The following DGCR8 variants were observed in gnomAD, a reference collection of about 807,000 sequenced individuals.
The protein encoded by DGCR8 is DGCR8 microprocessor complex subunit, also known as microprocessor complex subunit DGCR8.
Under a neutral mutation model 78.5 loss-of-function variants are expected in DGCR8, and 14 were observed. The ratio of observed to expected loss-of-function variants is 0.18; its 90% CI spans 0.12 to 0.28. The LOEUF (loss-of-function observed/expected upper bound fraction) is 0.28, where lower values mean the gene tolerates loss of function less well. Ranked by LOEUF, DGCR8 falls within the 10% of genes least tolerant of loss-of-function variation. The pLI is 1.00. For synonymous variants in DGCR8, 399 were observed against 402.4 expected (o/e 0.99, Z 0.10); for missense variants, 702 against 1,022.5 (o/e 0.69, Z 4.28).
intron 9 of DGCR8, among the ~76,000 whole-genome samples, chr22:20,102,678 C>G (rs559676377): frequency 3.9e-5 from 6 of 152,220 alleles, no homozygotes; most frequent in South Asian, 2.1e-4. Flanking sequence ...TACTGTCTTT[C>G]GAGCTGTGTG....
At chr22:20,104,373 T>C (rs905262120) in intron 9 of DGCR8, among the ~76,000 whole-genome samples, 1 of 152,022 alleles carries the variant, frequency 6.6e-6, no homozygotes, top group Admixed American at 6.5e-5. Flanking sequence ...TTCACCTTGT[T>C]AGCCAGGATG....
At chr22:20,083,114 TC>T (rs1236000455) in intron 1 of DGCR8, among the ~76,000 whole-genome samples, 2 of 152,018 alleles carry the variant, frequency 1.3e-5, no homozygotes, top group African/African-American at 4.8e-5. Flanking sequence ...CATCCCCTCC[TC>T]CCAGCCCTGT....
chr22:20,080,894 A>T (rs761836681), intron 1 of DGCR8, among the ~76,000 whole-genome samples: 1 of 152,254 alleles, frequency 6.6e-6, no homozygotes, highest in Admixed American at 6.5e-5. Context: ...GTCTGGTGTC[A>T]ACCGATGGAC....
chr22:20,103,119 CAA>C (rs1184158781), intron 9 of DGCR8, among the ~76,000 whole-genome samples: 1 of 147,778 alleles, frequency 6.8e-6, no homozygotes, highest in Admixed American at 6.8e-5. Flanking sequence ...GCCTGGGCAA[CAA>C]GAGCGAAACC....
At position 20,089,482 on chromosome 22, in the gene DGCR8, G is replaced by A. The variant is rs918313967; in HGVS notation, c.881-187G>A. ...TTGACACGTGTAAATTCCCACCTCA[G>A]GCCACATGCTATCTGTCCTAGGCCT... On this transcript the variant is annotated intron_variant, in intron 3 of 13. Coordinates refer to ENST00000351989, the MANE Select transcript of DGCR8 (RefSeq NM_022720.7). This position sits in a 1 kb window ranked among gnomAD's most constrained non-coding sequence, Gnocchi z 4.9. Among the ~76,000 whole-genome samples the A allele has an allele frequency of 1.7e-4, 26 of 152,314 alleles. No individual in the cohort carries two copies. Among genetic ancestry groups the A allele is most frequent in the Admixed American group, 9.2e-4 (14 of 15,296 alleles).
rs989130282 is a variant in DGCR8, at chr22:20,110,385, G to A, written c.*277G>A. 5 of 444,426 alleles carry A rather than the reference G, an allele frequency of 1.1e-5. No homozygotes were observed. The highest frequency in any genetic ancestry group is 7.7e-5 in the South Asian group (2 of 25,810). The allele number at this position is 444,426 out of a possible 1,614,324, so 27.5% of individuals were successfully genotyped here. On this transcript the variant is annotated 3_prime_UTR_variant, in exon 14 of 14. Transcript: ENST00000351989. ...GCAGCTGGTGACTGTGGACAGTGGT[G>A]GACCCTGCTTCTGTGCACCTGCTGC... is the stretch of plus-strand genomic sequence containing the variant.
intron 11 of DGCR8, chr22:20,107,043 A>T: frequency 1.2e-5 from 7 of 588,988 alleles, no homozygotes; most frequent in Non-Finnish European, 2.1e-5. Flanking sequence ...CGTGGCTTTG[A>T]GTGGTAGTGT....
rs374299979 is a variant in DGCR8, at chr22:20,089,657, C to T, written c.881-12C>T. On this transcript the variant is annotated splice_polypyrimidine_tract_variant and intron_variant, in intron 3 of 13. Coordinates refer to ENST00000351989, the MANE Select transcript of DGCR8 (RefSeq NM_022720.7). This position sits in a 1 kb window ranked among gnomAD's most constrained non-coding sequence, Gnocchi z 4.9. The stretch of plus-strand genomic sequence containing the variant: ...TACAGTGATTATAGGATGTTCTTGT[C>T]TTCCTGTGCAGGTCGTGGCCGCCCA... 31 of 1,613,618 alleles carry T rather than the reference C, an allele frequency of 1.9e-5. 1 individual carries two copies. The African/African-American group carries it at 3.9e-4, about 20-fold the overall frequency.
rs77725161 is a variant in DGCR8, at chr22:20,108,872, A to T, written c.2125-18A>T. The T allele has an allele frequency of 6.7e-6, 9 of 1,334,898 alleles. No homozygotes were observed. In the African/African-American group the frequency reaches 1.2e-4, roughly 17 times the overall value. 82.7% of individuals were successfully genotyped at this position (1,334,898 alleles called of 1,614,324 possible). A position where few individuals can be genotyped will look rare whatever the true frequency, so the allele number is the denominator to read the frequency against. On this transcript the variant is annotated intron_variant, in intron 12 of 13. Coordinates refer to ENST00000351989, the MANE Select transcript of DGCR8 (RefSeq NM_022720.7). ...GCTACAGCCTGCAGTCCTGAGCGTG[A>T]GGTGCTATACTTCCCAGGAGACATC...
At chr22:20,094,488 G>A (rs922314482) in intron 8 of DGCR8, among the ~76,000 whole-genome samples, 2 of 152,222 alleles carry the variant, frequency 1.3e-5, no homozygotes, top group Non-Finnish European at 2.9e-5. Flanking sequence ...GGGTGAGAGC[G>A]CACACACCCA....
intron 9 of DGCR8, among the ~76,000 whole-genome samples, chr22:20,104,358 G>C (rs1422212490): frequency 6.6e-6 from 1 of 151,918 alleles, no homozygotes; most frequent in Non-Finnish European, 1.5e-5. Context: ...TAGTAGAGAC[G>C]GGGTTTCACC....
intron 5 of DGCR8, among the ~76,000 whole-genome samples, chr22:20,091,163 T>A (rs1430767554): frequency 6.6e-6 from 1 of 152,250 alleles, no homozygotes; most frequent in Non-Finnish European, 1.5e-5. Flanking sequence ...CCATCTGACT[T>A]TTTTAAGCTG....
intron 9 of DGCR8, among the ~76,000 whole-genome samples, chr22:20,097,680 C>T (rs1480420844): frequency 6.6e-6 from 1 of 152,024 alleles, no homozygotes; most frequent in Non-Finnish European, 1.5e-5. Flanking sequence ...TTCAATTGCC[C>T]TGTCTTCAAG....
chr22:20,091,531 A>G lies in DGCR8; in HGVS notation c.1403A>G (p.Asn468Ser). The G allele has an allele frequency of 1.9e-6, 3 of 1,614,238 alleles. No individual in the cohort carries two copies. Among genetic ancestry groups the G allele is most frequent in the Non-Finnish European group, 2.5e-6 (3 of 1,180,048 alleles). ...FRTWAERRQF[N>S]REMKRKQAES... is the part of the protein sequence containing the mutation. ...ACTTGGGCTGAGCGGCGGCAATTCA[A>G]TCGGGAAATGAAGCGGAAGCAGGCG... The change falls in exon 6 of 14, where the codon AAT (asparagine) becomes AGT (serine). Residue 468 changes from asparagine to serine, a missense_variant. By Grantham distance (46) the Asn-to-Ser change is conservative. Coordinates refer to ENST00000351989, the MANE Select transcript of DGCR8 (RefSeq NM_022720.7).
intron 5 of DGCR8, 126 bp from the exon 6 acceptor site, chr22:20,091,309 C>A: frequency 1.1e-6 from 1 of 932,500 alleles, no homozygotes; most frequent in Non-Finnish European, 1.7e-6. Context: ...CTTCCCTCCC[C>A]TTTGAAAGGG....
chr22:20,089,913 GCA>G lies in DGCR8; in HGVS notation c.1024-62_1024-61del. ...GCAGCCAAGCAGAGGCCGGTGAAAG[GCA>G]TCAGAGTTTCAGACTCTCGGGTTGT... is the stretch of plus-strand genomic sequence containing the variant. On this transcript the variant is annotated intron_variant, in intron 4 of 13. Coordinates refer to ENST00000351989, the MANE Select transcript of DGCR8 (RefSeq NM_022720.7). The surrounding 1 kb of genome is among the most constrained non-coding windows in gnomAD (Gnocchi z 4.9). The G allele has an allele frequency of 6.3e-7, 1 of 1,586,314 alleles. No homozygotes were observed. The highest frequency in any genetic ancestry group is 1.3e-5 in the African/African-American group (1 of 74,194).
At position 20,106,198 on chromosome 22, in the gene DGCR8, G is replaced by A. The variant is rs751392864; in HGVS notation, c.1810G>A (p.Glu604Lys). 6 of 1,613,994 alleles carry A rather than the reference G, an allele frequency of 3.7e-6. No individual in the cohort carries two copies. Among genetic ancestry groups the A allele is most frequent in the Non-Finnish European group, 4.2e-6 (5 of 1,180,012 alleles). Reference protein sequence around the residue: ...ELEYFNHISIEDSRVYELTSK... With the variant: ...ELEYFNHISIKDSRVYELTSK... ...GTAGTATTTTAACCACATCAGCATC[G>A]AGGACTCGCGGGTCTACGAGCTGAC... The change falls in exon 10 of 14, where the codon GAG (glutamate) becomes AAG (lysine). Residue 604 changes from glutamate to lysine, a missense_variant. Physicochemically the swap from Glu to Lys is moderately conservative, Grantham distance 56. Transcript: ENST00000351989.
Position 20,111,706 on chromosome 22 carries a change from G to GCGGGGGCCCCCCCC in DGCR8, c.*1599_*1600insGGGGGCCCCCCCCC. ...TGCCATACTCTTGTGGTCTCTGTGC[G>GCGGGGGCCCCCCCC]CCCCCCCCCCCCCCCCACCCGTCTG... On this transcript the variant is annotated 3_prime_UTR_variant, in exon 14 of 14. Coordinates refer to ENST00000351989, the MANE Select transcript of DGCR8 (RefSeq NM_022720.7). 1.6e-5 allele frequency: 1 copy of GCGGGGGCCCCCCCC among 63,040 alleles called. No individual in the cohort carries two copies. Among genetic ancestry groups the GCGGGGGCCCCCCCC allele is most frequent in the South Asian group, 7.5e-4 (1 of 1,338 alleles). 3.9% of individuals were successfully genotyped at this position (63,040 alleles called of 1,614,324 possible). A position where few individuals can be genotyped will look rare whatever the true frequency, so the allele number is the denominator to read the frequency against.
At position 20,110,117 on chromosome 22, in the gene DGCR8, G is replaced by C. The variant is rs1336852891; in HGVS notation, c.*9G>C. 1.9e-6 allele frequency: 3 copies of C among 1,606,760 alleles called. No homozygotes were observed. Among genetic ancestry groups the C allele is most frequent in the Non-Finnish European group, 2.5e-6 (3 of 1,179,680 alleles). On this transcript the variant is annotated 3_prime_UTR_variant, in exon 14 of 14. Coordinates refer to ENST00000351989, the MANE Select transcript of DGCR8 (RefSeq NM_022720.7). ...GCACCGTGGACGTGTGAGGGAGGTGGCACGGGCCAGGGCGCGGGGGCCGCC... is the reference window on the plus strand; with the variant it reads ...GCACCGTGGACGTGTGAGGGAGGTGCCACGGGCCAGGGCGCGGGGGCCGCC...
Sources: allele counts gnomAD v4.1 joint callset (sites outside exome capture counted in the v4.1 genomes callset), GRCh38; gene constraint gnomAD v4.1.1; non-coding constraint Gnocchi (gnomAD v3.1); transcripts MANE v1.5; gene names NCBI Gene and HGNC (gene_info 2026-07-23, HGNC 2026-07-21).